Variants in MAGI1 observed in about 807,000 individuals in gnomAD.
MAGI1 encodes membrane associated guanylate kinase, WW and PDZ domain containing 1, also known as membrane-associated guanylate kinase, WW and PDZ domain-containing protein 1.
MAGI1 carries 58 observed loss-of-function variants against 139.9 expected under a neutral mutation model. That is an observed-to-expected ratio of 0.41 (90% CI 0.34 to 0.52). MAGI1 has a LOEUF of 0.52. Ranked by LOEUF, MAGI1 falls within the 20% of genes least tolerant of loss-of-function variation. The pLI is 0.12. For synonymous variants in MAGI1, 812 were observed against 737.9 expected (o/e 1.10, Z -1.63); for missense variants, 1,874 against 1,901.6 (o/e 0.99, Z 0.27).
chr3:65,948,355 C>T (rs150416007), intron 1 of MAGI1, among the ~76,000 whole-genome samples: 3 of 152,220 alleles, frequency 2.0e-5, no homozygotes, highest in African/African-American at 7.2e-5. Flanking sequence ...TTCATAAAAC[C>T]CCAAATTTTC....
chr3:65,952,722 G>A (rs2063925279), intron 1 of MAGI1, among the ~76,000 whole-genome samples: 3 of 152,194 alleles, frequency 2.0e-5, no homozygotes, highest in Admixed American at 1.3e-4. Context: ...GCTGAGGCAG[G>A]AGAATGGCGT....
At chr3:65,811,068 TG>T (rs750567721) in intron 1 of MAGI1, among the ~76,000 whole-genome samples, 4 of 152,210 alleles carry the variant, frequency 2.6e-5, no homozygotes, top group Admixed American at 2.0e-4. Context: ...AATCAAGTAT[TG>T]AATGTTAGGT....
chr3:65,711,419 A>G (rs1263278173), intron 1 of MAGI1, among the ~76,000 whole-genome samples: 2 of 152,328 alleles, frequency 1.3e-5, no homozygotes, highest in African/African-American at 4.8e-5. Context: ...CTAAAAACAG[A>G]TAATTCAAAA....
At chr3:65,824,163 G>A (rs542564889) in intron 1 of MAGI1, among the ~76,000 whole-genome samples, 1 of 152,190 alleles carries the variant, frequency 6.6e-6, no homozygotes, top group East Asian at 1.9e-4. Context: ...AAGTTATTTT[G>A]CCACGTCACC....
chr3:65,429,465 A>C (rs1292861568), intron 12 of MAGI1, 55 bp downstream of exon 12: 1 of 1,513,058 alleles, frequency 6.6e-7, no homozygotes, highest in Non-Finnish European at 8.8e-7. Context: ...TGAGTAAGTT[A>C]AGCAATGAAT....
chr3:65,383,392 T>A, intron 15 of MAGI1, 140 bp downstream of exon 15: 1 of 652,366 alleles, frequency 1.5e-6, no homozygotes, highest in South Asian at 1.9e-5. Flanking sequence ...CAAAACCCAA[T>A]GAGAAACCCA....
At chr3:65,680,788 G>GAT (rs1331277539) in intron 1 of MAGI1, among the ~76,000 whole-genome samples, 8 of 137,084 alleles carry the variant, frequency 5.8e-5, no homozygotes, top group African/African-American at 2.6e-4. Context: ...GATATGATAT[G>GAT]ATATGATATA....
At position 65,949,303 on chromosome 3, in the gene MAGI1, C is replaced by T. The variant is rs568661351; in HGVS notation, c.313+88693G>A. Among the ~76,000 whole-genome samples, 95 of 152,194 alleles carry T rather than the reference C, an allele frequency of 6.2e-4. 1 individual carries two copies. Among genetic ancestry groups the T allele is most frequent in the Middle Eastern group, 6.8e-3 (2 of 294 alleles). ...TAACCACCCACTAAACATTGTTGGA[C>T]GAGGTGTTAAAGGTCAATTGCTATT... On this transcript the variant is annotated intron_variant, in intron 1 of 22. Coordinates refer to ENST00000402939, the MANE Select transcript of MAGI1 (RefSeq NM_001033057.2).
intron 1 of MAGI1, among the ~76,000 whole-genome samples, chr3:65,854,614 A>G (rs936949585): frequency 2.6e-5 from 4 of 152,260 alleles, no homozygotes; most frequent in Non-Finnish European, 2.9e-5. Context: ...CTGTTCTTAC[A>G]AATACTACTC....
chr3:65,435,047 T>C (rs1266333047), intron 10 of MAGI1, among the ~76,000 whole-genome samples: 1 of 152,220 alleles, frequency 6.6e-6, no homozygotes, highest in East Asian at 1.9e-4. Flanking sequence ...TGGCCGTCTA[T>C]AAACCACGAA....
intron 13 of MAGI1, among the ~76,000 whole-genome samples, chr3:65,400,237 A>T (rs1218094040): frequency 6.6e-6 from 1 of 152,182 alleles, no homozygotes; most frequent in Non-Finnish European, 1.5e-5. Flanking sequence ...ACCAGCCCTG[A>T]AGTCAAAGTT....
At chr3:65,850,270 T>C (rs945179869) in intron 1 of MAGI1, among the ~76,000 whole-genome samples, 1 of 152,204 alleles carries the variant, frequency 6.6e-6, no homozygotes, top group Non-Finnish European at 1.5e-5. Context: ...CAAACTAGAA[T>C]GACCAACTGT....
chr3:65,783,607 C>A (rs1280954140), intron 1 of MAGI1, among the ~76,000 whole-genome samples: 1 of 152,080 alleles, frequency 6.6e-6, no homozygotes, highest in Non-Finnish European at 1.5e-5. Context: ...AATCCTCCCA[C>A]CTCAGCCTCC....
intron 1 of MAGI1, among the ~76,000 whole-genome samples, chr3:65,659,309 G>T (rs182252530): frequency 6.6e-6 from 1 of 152,256 alleles, no homozygotes; most frequent in East Asian, 1.9e-4. Context: ...TAGCAAAAAA[G>T]AGACTACTGA....
At chr3:65,433,036 A>G (rs1947579417) in intron 10 of MAGI1, among the ~76,000 whole-genome samples, 3 of 151,746 alleles carry the variant, frequency 2.0e-5, no homozygotes, top group Non-Finnish European at 4.4e-5. Flanking sequence ...ACTATCCCCA[A>G]CTCCCATGCA....
intron 1 of MAGI1, among the ~76,000 whole-genome samples, chr3:65,689,918 C>T (rs1287528650): frequency 6.6e-6 from 1 of 152,180 alleles, no homozygotes; most frequent in African/African-American, 2.4e-5. Flanking sequence ...TCCAGGCATA[C>T]GTGTCTGCTG....
At chr3:65,901,097 C>A (rs2061211830) in intron 1 of MAGI1, among the ~76,000 whole-genome samples, 2 of 152,218 alleles carry the variant, frequency 1.3e-5, no homozygotes, top group Admixed American at 1.3e-4. Flanking sequence ...TTCAGATACC[C>A]TTACAGTAAA....
chr3:65,979,088 T>TACCC (rs377493475), intron 1 of MAGI1, among the ~76,000 whole-genome samples: 1 of 52,970 alleles, frequency 1.9e-5, no homozygotes, highest in Non-Finnish European at 3.6e-5. Flanking sequence ...TTTCTTTTCT[T>TACCC]CCCCCCCCCC....
intron 1 of MAGI1, among the ~76,000 whole-genome samples, chr3:66,011,466 G>T (rs1207379546): frequency 1.3e-5 from 2 of 152,026 alleles, no homozygotes; most frequent in African/African-American, 4.8e-5. Flanking sequence ...ATGCCCACAT[G>T]CAGTGAACAC....
Sources: allele counts gnomAD v4.1 joint callset (sites outside exome capture counted in the v4.1 genomes callset), GRCh38; gene constraint gnomAD v4.1.1; transcripts MANE v1.5; gene names NCBI Gene and HGNC (gene_info 2026-07-23, HGNC 2026-07-21).